The following PRKN variants were observed in gnomAD, a reference collection of about 807,000 sequenced individuals.
The protein encoded by PRKN is parkin RBR E3 ubiquitin protein ligase.
Under a neutral mutation model 59.5 loss-of-function variants are expected in PRKN, and 56 were observed. The observed-to-expected ratio is 0.94, with a 90% CI of 0.76 to 1.18. PRKN has a LOEUF of 1.18. PRKN is among the 50% of genes most tolerant of loss of function. The pLI is 0.00. For synonymous variants in PRKN, 250 were observed against 222.1 expected (o/e 1.13, Z -1.12); for missense variants, 657 against 596.4 (o/e 1.10, Z -1.06).
intron 7 of PRKN, among the ~76,000 whole-genome samples, chr6:161,662,613 T>C (rs1784587866): frequency 6.6e-6 from 1 of 152,104 alleles, no homozygotes; most frequent in Admixed American, 6.5e-5. Context: ...GGGAGTGAAA[T>C]CCTAGCTCTG....
intron 4 of PRKN, among the ~76,000 whole-genome samples, chr6:162,068,031 A>G (rs4235932): frequency 0.83 from 125,445 of 151,756 alleles, 52,001 homozygotes; most frequent in Admixed American, 0.88. Context: ...CCGTCATGTC[A>G]GGATGGTGGA....
intron 10 of PRKN, among the ~76,000 whole-genome samples, chr6:161,364,302 T>C (rs1488443874): frequency 2.2e-5 from 3 of 137,826 alleles, no homozygotes; most frequent in African/African-American, 5.5e-5. Flanking sequence ...CTACTAAAAA[T>C]ACAAAAATTA....
At chr6:162,074,805 T>C (rs1168332008) in intron 4 of PRKN, among the ~76,000 whole-genome samples, 1 of 152,072 alleles carries the variant, frequency 6.6e-6, no homozygotes, top group Non-Finnish European at 1.5e-5. Flanking sequence ...CAACAACGCG[T>C]TTCCCCCTTC....
At chr6:161,721,321 C>G (rs1047743255) in intron 7 of PRKN, among the ~76,000 whole-genome samples, 9 of 152,098 alleles carry the variant, frequency 5.9e-5, no homozygotes, top group African/African-American at 2.2e-4. Flanking sequence ...ATTTTTATTT[C>G]AAAATTCACT....
chr6:162,658,773 A>G (rs1363171461), intron 1 of PRKN, among the ~76,000 whole-genome samples: 1 of 152,088 alleles, frequency 6.6e-6, no homozygotes, highest in African/African-American at 2.4e-5. Context: ...TCCCATTCTA[A>G]GCACTAACTA....
At chr6:162,227,809 C>T (rs1778245770) in intron 3 of PRKN, among the ~76,000 whole-genome samples, 1 of 152,040 alleles carries the variant, frequency 6.6e-6, no homozygotes, top group African/African-American at 2.4e-5. Flanking sequence ...TCCCTAGTGT[C>T]CATACAGAAA....
chr6:162,440,543 T>G (rs769934762), intron 2 of PRKN, among the ~76,000 whole-genome samples: 5 of 152,176 alleles, frequency 3.3e-5, no homozygotes, highest in African/African-American at 4.8e-5. Flanking sequence ...GGAATAATTA[T>G]TGACAGGGTC....
intron 7 of PRKN, among the ~76,000 whole-genome samples, chr6:161,651,069 C>A (rs909851580): frequency 1.3e-5 from 2 of 152,074 alleles, no homozygotes; most frequent in Non-Finnish European, 1.5e-5. Context: ...ACATTTAGGA[C>A]AAGCAATGGA....
chr6:162,526,544 G>A (rs1198679013), intron 1 of PRKN, among the ~76,000 whole-genome samples: 1 of 151,730 alleles, frequency 6.6e-6, no homozygotes, highest in Non-Finnish European at 1.5e-5. Context: ...CAGCTACTCA[G>A]GAGGCTGAGG....
At chr6:161,652,640 A>G (rs2128162228) in intron 7 of PRKN, among the ~76,000 whole-genome samples, 1 of 152,356 alleles carries the variant, frequency 6.6e-6, no homozygotes, top group Admixed American at 6.5e-5. Flanking sequence ...ATTTTGATAT[A>G]GAAATTAAGA....
At chr6:161,924,488 G>A (rs557478871) in intron 6 of PRKN, among the ~76,000 whole-genome samples, 1 of 152,198 alleles carries the variant, frequency 6.6e-6, no homozygotes, top group Non-Finnish European at 1.5e-5. Context: ...CTGACACACA[G>A]CAAGATTTTA....
In PRKN at chr6:162,131,493, T is replaced by A. The variant is rs75471279; in HGVS notation, c.534+69638A>T. 1.2e-3 allele frequency among the ~76,000 whole-genome samples: 188 copies of A among 152,330 alleles called. 2 individuals are homozygous for A. The highest frequency in any genetic ancestry group is 4.2e-3 in the African/African-American group (174 of 41,584). On this transcript the variant is annotated intron_variant, in intron 4 of 11. Coordinates refer to ENST00000366898, the MANE Select transcript of PRKN (RefSeq NM_004562.3). Reference sequence around the variant, plus strand: ...AACTCGATTTCCCCTAGGACTGCTATAGATGTGGAAGGGGTTTGGGACTGA... The same window carrying A: ...AACTCGATTTCCCCTAGGACTGCTAAAGATGTGGAAGGGGTTTGGGACTGA...
In PRKN at chr6:161,429,724, C is replaced by A. The variant is rs1788556030; in HGVS notation, c.1084-42847G>T. Among the ~76,000 whole-genome samples, 1 of 152,092 alleles carries A rather than the reference C, an allele frequency of 6.6e-6. No homozygotes were observed. Among genetic ancestry groups the A allele is most frequent in the Admixed American group, 6.5e-5 (1 of 15,270 alleles). ...GTGGGAGGAGGGTGAGTTTCAGAGTCATTAATGGGCCTTTTCTTCAGTAAT... is the reference window on the plus strand; with the variant it reads ...GTGGGAGGAGGGTGAGTTTCAGAGTAATTAATGGGCCTTTTCTTCAGTAAT... On this transcript the variant is annotated intron_variant, in intron 9 of 11. Transcript: ENST00000366898. The surrounding 1 kb of genome is among the most constrained non-coding windows in gnomAD (Gnocchi z 4.2).
chr6:161,977,551 T>G (rs60267224), intron 5 of PRKN, among the ~76,000 whole-genome samples: 30,099 of 143,770 alleles, frequency 0.21, 3,787 homozygotes, highest in South Asian at 0.28. Context: ...GGTTTTTTTT[T>G]TTTTTTTTTT....
At chr6:161,691,395 A>G (rs913191631) in intron 7 of PRKN, among the ~76,000 whole-genome samples, 2 of 152,236 alleles carry the variant, frequency 1.3e-5, no homozygotes, top group Admixed American at 6.5e-5. Context: ...TCTCTAACCC[A>G]TAAGTTCTGC....
chr6:161,474,756 G>C (rs1476907512), intron 9 of PRKN, among the ~76,000 whole-genome samples: 2 of 147,054 alleles, frequency 1.4e-5, no homozygotes, highest in East Asian at 2.1e-4. Context: ...CATCATGCCT[G>C]GCTAACTTTT....
chr6:161,741,829 T>A (rs1788199619), intron 7 of PRKN, among the ~76,000 whole-genome samples: 1 of 152,160 alleles, frequency 6.6e-6, no homozygotes, highest in Non-Finnish European at 1.5e-5. Flanking sequence ...CATTGTGAAT[T>A]GTAATAATCC....
At chr6:162,476,733 A>C (rs1242660737) in intron 1 of PRKN, among the ~76,000 whole-genome samples, 2 of 152,118 alleles carry the variant, frequency 1.3e-5, no homozygotes, top group Non-Finnish European at 2.9e-5. Context: ...TAACACTGAT[A>C]ATAATAATTA....
At chr6:162,579,655 TCACA>T (rs368330624) in intron 1 of PRKN, among the ~76,000 whole-genome samples, 3,130 of 151,308 alleles carry the variant, frequency 0.021, 106 homozygotes, top group African/African-American at 0.071. Context: ...TTACACAAAT[TCACA>T]CACACAGATA....
Sources: allele counts gnomAD v4.1 joint callset (sites outside exome capture counted in the v4.1 genomes callset), GRCh38; gene constraint gnomAD v4.1.1; non-coding constraint Gnocchi (gnomAD v3.1); transcripts MANE v1.5; gene names NCBI Gene and HGNC (gene_info 2026-07-23, HGNC 2026-07-21).